Variants in CLDN1 observed in about 807,000 individuals in gnomAD.
The protein encoded by CLDN1 is claudin 1, also known as claudin-1.
CLDN1 carries 12 observed loss-of-function variants against 22.6 expected under a neutral mutation model. That is an observed-to-expected ratio of 0.53 (90% CI 0.34 to 0.86). CLDN1 has a LOEUF of 0.86. CLDN1 is among the 40% of genes least tolerant of loss of function. CLDN1 has a pLI of 0.02. For missense variants in CLDN1, 250 were observed against 269.5 expected (o/e 0.93, Z 0.51); for synonymous variants, 99 against 103.8 (o/e 0.95, Z 0.28).
intron 1 of CLDN1, among the ~76,000 whole-genome samples, chr3:190,313,944 A>C (rs1716695341): frequency 6.6e-6 from 1 of 152,196 alleles, no homozygotes; most frequent in African/African-American, 2.4e-5. Context: ...AACTGAAACT[A>C]TGCTGGTTAG....
intron 1 of CLDN1, among the ~76,000 whole-genome samples, chr3:190,319,210 T>G (rs1417192548): frequency 6.6e-6 from 1 of 152,148 alleles, no homozygotes; most frequent in African/African-American, 2.4e-5. Flanking sequence ...GAGAATTAGA[T>G]GAAAACAAGG....
intron 3 of CLDN1, 79 bp downstream of exon 3, chr3:190,310,090 T>C (rs2108606758): frequency 8.8e-7 from 1 of 1,130,096 alleles, no homozygotes; most frequent in Non-Finnish European, 1.3e-6. Flanking sequence ...TGGGAAATGA[T>C]GGCACTAGCA....
chr3:190,320,073 T>G (rs76468842), intron 1 of CLDN1, among the ~76,000 whole-genome samples: 3,117 of 151,914 alleles, frequency 0.021, 111 homozygotes, highest in African/African-American at 0.071. Context: ...AAAGTGTGTG[T>G]GGGGGGGTAG....
chr3:190,308,432 A>T lies in CLDN1; in HGVS notation c.481T>A (p.Phe161Ile). 6.2e-7 allele frequency: 1 copy of T among 1,613,610 alleles called. No individual in the cohort carries two copies. ...PMTPVNARYEFGQALFTGWAA... is the reference protein window; with the variant it reads ...PMTPVNARYEIGQALFTGWAA... ...CAGCCAGTGAAGAGAGCCTGACCAA[A>T]TTCGTACCTAAAAGGAAAAACCCAT... The change falls in exon 4 of 4, where the codon TTT becomes ATT. Residue 161 changes from phenylalanine to isoleucine, a missense_variant. Coordinates refer to ENST00000295522, the MANE Select transcript of CLDN1 (RefSeq NM_021101.5).
intron 1 of CLDN1, among the ~76,000 whole-genome samples, chr3:190,317,670 G>A (rs928344996): frequency 6.6e-5 from 10 of 152,268 alleles, no homozygotes; most frequent in Admixed American, 5.9e-4. Context: ...GTATATAAGG[G>A]TGATTGGTTC....
Position 190,314,457 on chromosome 3 carries a change from C to T in CLDN1, c.224-1421G>A, listed in dbSNP as rs147890042. Among the ~76,000 whole-genome samples the T allele has an allele frequency of 3.9e-3, 593 of 152,066 alleles. 4 individuals are homozygous for T. The highest frequency in any genetic ancestry group is 0.013 in the African/African-American group (521 of 41,480). Reference sequence around the variant, plus strand: ...TTGCCCAGGCTGGAGTGCAGTGGTGCGATATGGGCTCACTGCAACCTCTGC... The same window carrying T: ...TTGCCCAGGCTGGAGTGCAGTGGTGTGATATGGGCTCACTGCAACCTCTGC... On this transcript the variant is annotated intron_variant, in intron 1 of 3. Coordinates refer to ENST00000295522, the MANE Select transcript of CLDN1 (RefSeq NM_021101.5).
In CLDN1 at chr3:190,322,087, G is replaced by A; in HGVS notation, c.120C>T (p.Ile40=). The change falls in exon 1 of 4, where the codon ATC becomes ATT. Residue 40 remains isoleucine (I), a synonymous_variant. Coordinates refer to ENST00000295522, the MANE Select transcript of CLDN1 (RefSeq NM_021101.5). ...CCTCGTACATGGCCTGGGCGGTCAC[G>A]ATGTTGTCGCCGGCATAGGAGTAAA... ...WRIYSYAGDN[I]VTAQAMYEGL... is the part of the protein sequence containing the mutation. The A allele has an allele frequency of 1.2e-6, 2 of 1,614,236 alleles. No homozygotes were observed. Among genetic ancestry groups the A allele is most frequent in the Non-Finnish European group, 1.7e-6 (2 of 1,180,042 alleles).
Position 190,312,856 on chromosome 3 carries a change from G to A in CLDN1, c.388+16C>T, listed in dbSNP as rs746390013. 2 of 1,613,290 alleles carry A rather than the reference G, an allele frequency of 1.2e-6. No individual in the cohort carries two copies. The highest frequency in any genetic ancestry group is 1.7e-5 in the Admixed American group (1 of 60,010). On this transcript the variant is annotated intron_variant, in intron 2 of 3. Transcript: ENST00000295522. ...AACAGGTTAGTAAGGTGAAAGGGGG[G>A]CACAGCCTCTATTACCTGCAAGAAG...
chr3:190,321,499 G>GA (rs375307449), intron 1 of CLDN1, among the ~76,000 whole-genome samples: 2 of 152,146 alleles, frequency 1.3e-5, no homozygotes, highest in African/African-American at 4.8e-5. Context: ...CTTTTACTAT[G>GA]AAAAAATCAT....
At chr3:190,314,405 C>CT (rs1277840730) in intron 1 of CLDN1, among the ~76,000 whole-genome samples, 2 of 151,912 alleles carry the variant, frequency 1.3e-5, no homozygotes, top group Non-Finnish European at 2.9e-5. Context: ...CTTTATTTTT[C>CT]TTTTTTTGAG....
At chr3:190,315,312 T>C (rs1300250783) in intron 1 of CLDN1, among the ~76,000 whole-genome samples, 1 of 152,094 alleles carries the variant, frequency 6.6e-6, no homozygotes, top group Non-Finnish European at 1.5e-5. Context: ...AAGTTTAAAG[T>C]CCTACATCCT....
intron 1 of CLDN1, among the ~76,000 whole-genome samples, chr3:190,314,945 A>G (rs1716726304): frequency 6.6e-6 from 1 of 152,140 alleles, no homozygotes; most frequent in African/African-American, 2.4e-5. Flanking sequence ...CACGGACCAC[A>G]GGTTTACCAG....
intron 2 of CLDN1, among the ~76,000 whole-genome samples, chr3:190,312,194 G>A (rs1716640112): frequency 6.6e-6 from 1 of 151,712 alleles, no homozygotes; most frequent in African/African-American, 2.4e-5. Flanking sequence ...GCCTCCAAAA[G>A]TGCTGGGATT....
chr3:190,313,280 T>C (rs1716676216), intron 1 of CLDN1: 1 of 509,150 alleles, frequency 2.0e-6, no homozygotes, highest in Non-Finnish European at 3.5e-6. Context: ...GTTTCCAACA[T>C]TAAATTCAAA....
At position 190,322,198 on chromosome 3, in the gene CLDN1, G is replaced by A; in HGVS notation, c.9C>T (p.Asn3=). 2 of 1,613,728 alleles carry A rather than the reference G, an allele frequency of 1.2e-6. No individual in the cohort carries two copies. Among genetic ancestry groups the A allele is most frequent in the Non-Finnish European group, 1.7e-6 (2 of 1,179,996 alleles). ...TGAAGCCCAACAGCTGCAGCCCCGCGTTGGCCATGACTCGCTCGGGCGCCC... is the reference window on the plus strand; with the variant it reads ...TGAAGCCCAACAGCTGCAGCCCCGCATTGGCCATGACTCGCTCGGGCGCCC... MA[N]AGLQLLGFIL... The change falls in exon 1 of 4, where the codon AAC becomes AAT. Residue 3 remains asparagine, a synonymous_variant. Coordinates refer to ENST00000295522, the MANE Select transcript of CLDN1 (RefSeq NM_021101.5).
chr3:190,319,226 G>C (rs1418882804), intron 1 of CLDN1, among the ~76,000 whole-genome samples: 2 of 152,140 alleles, frequency 1.3e-5, no homozygotes, highest in Admixed American at 1.3e-4. Flanking sequence ...CAAGGCGAGA[G>C]GTACAGGTGA....
chr3:190,314,718 A>G (rs1160388712), intron 1 of CLDN1, among the ~76,000 whole-genome samples: 1 of 152,102 alleles, frequency 6.6e-6, no homozygotes, highest in Non-Finnish European at 1.5e-5. Flanking sequence ...TCTCTTTCTA[A>G]AAAGTATCAA....
chr3:190,312,301 G>C lies in CLDN1; in HGVS notation c.388+571C>G, dbSNP rs574591450. 6.5e-4 allele frequency among the ~76,000 whole-genome samples: 69 copies of C among 106,564 alleles called. 1 individual carries two copies. The East Asian group carries it at 0.02, about 31-fold the overall frequency. 69.9% of individuals were successfully genotyped at this position (106,564 alleles called of 152,430 possible). A position where few individuals can be genotyped will look rare whatever the true frequency, so the allele number is the denominator to read the frequency against. ...ATCAAAAAAATTTAAAGGTATTTCT[G>C]TATTTTTTTTTTCCTAACTGCTTTA... is the stretch of plus-strand genomic sequence containing the variant. On this transcript the variant is annotated intron_variant, in intron 2 of 3. Transcript: ENST00000295522.
intron 1 of CLDN1, among the ~76,000 whole-genome samples, chr3:190,317,023 T>C (rs1038133647): frequency 2.0e-5 from 3 of 152,182 alleles, no homozygotes; most frequent in African/African-American, 4.8e-5. Context: ...GTTTTGTTTC[T>C]TTTTGCCCTA....
Sources: gnomAD v4.1 joint callset for allele counts (sites outside exome capture counted in the v4.1 genomes callset) on GRCh38, gnomAD v4.1.1 for gene constraint, MANE v1.5 for transcripts, NCBI Gene and HGNC (gene_info 2026-07-23, HGNC 2026-07-21) for gene names.